The following FXR1 variants were observed in gnomAD, a reference collection of about 807,000 sequenced individuals.
FXR1 encodes the protein RNA-binding protein FXR1.
FXR1 carries 15 observed loss-of-function variants against 84.0 expected under a neutral mutation model. The observed-to-expected ratio is 0.18, with a 90% CI of 0.12 to 0.27. FXR1 has a LOEUF of 0.27. Ranked by LOEUF, FXR1 falls within the 10% of genes least tolerant of loss-of-function variation. The probability of loss-of-function intolerance (pLI) is 1.00; values close to 1 mark genes in which losing one functional copy is unlikely to be tolerated. For synonymous variants in FXR1, 245 were observed against 250.7 expected (o/e 0.98, Z 0.21); for missense variants, 480 against 774.4 (o/e 0.62, Z 4.51).
In FXR1 at chr3:180,977,507, T is replaced by C. The variant is rs187223562; in HGVS notation, c.*1215T>C. 5.3e-5 allele frequency: 8 copies of C among 152,252 alleles called. No homozygotes were observed. The highest frequency in any genetic ancestry group is 3.9e-4 in the East Asian group (2 of 5,186). 9.4% of individuals were successfully genotyped at this position (152,252 alleles called of 1,614,324 possible). On this transcript the variant is annotated 3_prime_UTR_variant, in exon 17 of 17. Transcript: ENST00000357559. Reference sequence around the variant, plus strand: ...ATTTGCTTTATTCATTCTCAACTTATTTTGAAGGCTCTCATATCAGTGACC... The same window carrying C: ...ATTTGCTTTATTCATTCTCAACTTACTTTGAAGGCTCTCATATCAGTGACC...
chr3:180,942,666 G>C (rs1255257477), intron 3 of FXR1, among the ~76,000 whole-genome samples: 5 of 152,064 alleles, frequency 3.3e-5, no homozygotes, highest in Admixed American at 6.6e-5. Context: ...TCTCATCATG[G>C]TCACTCCACA....
At position 180,926,506 on chromosome 3, in the gene FXR1, A is replaced by ATATTTTT. The variant is rs72192827; in HGVS notation, c.52-6827_52-6826insATTTTTT. 2.7e-3 allele frequency among the ~76,000 whole-genome samples: 340 copies of ATATTTTT among 124,290 alleles called. 2 individuals are homozygous for ATATTTTT. Among genetic ancestry groups the ATATTTTT allele is most frequent in the African/African-American group, 3.8e-3 (132 of 34,402 alleles). The allele number at this position is 124,290 out of a possible 152,430, so 81.5% of individuals were successfully genotyped here. A position where few individuals can be genotyped will look rare whatever the true frequency, so the allele number is the denominator to read the frequency against. On this transcript the variant is annotated intron_variant, in intron 1 of 16. Coordinates refer to ENST00000357559, the MANE Select transcript of FXR1 (RefSeq NM_005087.4). ...TATATATATATATATATATATATAT[A>ATATTTTT]TTTTTTTTTCTGGCCTTTTGTTGGC...
intron 1 of FXR1, chr3:180,927,810 T>C (rs1719410460): frequency 4.7e-6 from 2 of 429,144 alleles, no homozygotes; most frequent in African/African-American, 4.1e-5. Flanking sequence ...TTTTTTCCTG[T>C]GAATTACTTG....
In FXR1 at chr3:180,976,013, T is replaced by A. The variant is rs114795645; in HGVS notation, c.1696-109T>A. On this transcript the variant is annotated intron_variant, in intron 16 of 16. Coordinates refer to ENST00000357559, the MANE Select transcript of FXR1 (RefSeq NM_005087.4). The stretch of plus-strand genomic sequence containing the variant: ...TTTAATACTTTGATCCATTGTGGTA[T>A]ATAAAACTGAAATTTTTAATTAGCT... 6,604 of 739,544 alleles carry A rather than the reference T, an allele frequency of 8.9e-3. 46 individuals are homozygous for A. The highest frequency in any genetic ancestry group is 0.011 in the Non-Finnish European group (4,769 of 444,394). The allele number at this position is 739,544 out of a possible 1,614,324, so 45.8% of individuals were successfully genotyped here.
intron 13 of FXR1, 130 bp downstream of exon 13, chr3:180,963,220 G>C: frequency 1.7e-6 from 1 of 592,916 alleles, no homozygotes; most frequent in East Asian, 2.8e-5. Flanking sequence ...AGGTAGTTCT[G>C]AAGGTTTAGT....
intron 4 of FXR1, 121 bp downstream of exon 4, chr3:180,948,057 G>A: frequency 1.5e-6 from 1 of 654,134 alleles, no homozygotes; most frequent in Non-Finnish European, 2.7e-6. Flanking sequence ...AGAAATAGTT[G>A]ATCAGACATT....
At chr3:180,950,110 C>T (rs1157753265) in intron 7 of FXR1, among the ~76,000 whole-genome samples, 1 of 152,118 alleles carries the variant, frequency 6.6e-6, no homozygotes, top group African/African-American at 2.4e-5. Context: ...CTAAGGTACT[C>T]TGTTTTGTCC....
chr3:180,953,898 C>A, intron 9 of FXR1, 58 bp downstream of exon 9: 2 of 864,876 alleles, frequency 2.3e-6, no homozygotes, highest in Non-Finnish European at 3.8e-6. Flanking sequence ...TTACATATAG[C>A]GACTTAATTG....
chr3:180,944,795 G>T (rs1721524083), intron 3 of FXR1, among the ~76,000 whole-genome samples: 1 of 152,112 alleles, frequency 6.6e-6, no homozygotes, highest in Non-Finnish European at 1.5e-5. Flanking sequence ...GCTAACTTTT[G>T]TATTTTGCAT....
At position 180,948,779 on chromosome 3, in the gene FXR1, T is replaced by G; in HGVS notation, c.478T>G (p.Phe160Val). The change falls in exon 6 of 17, where the codon TTT becomes GTT. Residue 160 changes from phenylalanine to valine, a missense_variant. Physicochemically the swap from Phe to Val is conservative, Grantham distance 50. Coordinates refer to ENST00000357559, the MANE Select transcript of FXR1 (RefSeq NM_005087.4). ...FKKAVGACRI[F>V]YHPETTQLMI... ...GAAAGCAGTAGGAGCATGCAGAATT[T>G]TTTACCATCCAGAAACAACACAGCT... 6.4e-7 allele frequency: 1 copy of G among 1,569,876 alleles called. No homozygotes were observed. The highest frequency in any genetic ancestry group is 8.8e-7 in the Non-Finnish European group (1 of 1,139,774).
rs1457094206 is a variant in FXR1 at position 180,912,713 on chromosome 3, G to T, written c.28G>T (p.Gly10Cys). MAELTVEVR[G>C]SNGAFYKGFI... ...GGCGGAGCTGACGGTGGAGGTTCGCGGCTCTAACGGGGCTTTCTACAAGGT... is the reference window on the plus strand; with the variant it reads ...GGCGGAGCTGACGGTGGAGGTTCGCTGCTCTAACGGGGCTTTCTACAAGGT... Residue 10 changes from glycine to cysteine, a missense_variant, in exon 1 of 17, where the codon GGC becomes TGC. Gly to Cys is a radical substitution (Grantham distance 159). Around this residue, in one of 6 missense-constraint regions of FXR1, gnomAD observed 54 missense variants for 74.2 expected, o/e 0.73. Coordinates refer to ENST00000357559, the MANE Select transcript of FXR1 (RefSeq NM_005087.4). 6.2e-7 allele frequency: 1 copy of T among 1,613,838 alleles called. No individual in the cohort carries two copies. The highest frequency in any genetic ancestry group is 8.5e-7 in the Non-Finnish European group (1 of 1,179,960).
intron 14 of FXR1, among the ~76,000 whole-genome samples, chr3:180,969,297 T>G (rs574184962): frequency 1.4e-4 from 21 of 152,344 alleles, no homozygotes; most frequent in African/African-American, 4.8e-4. Flanking sequence ...GTACTTGACC[T>G]AGTGTTTTAT....
At chr3:180,938,642 G>A (rs996857382) in intron 3 of FXR1, among the ~76,000 whole-genome samples, 3 of 152,020 alleles carry the variant, frequency 2.0e-5, no homozygotes, top group Non-Finnish European at 4.4e-5. Context: ...TCCACCTCCC[G>A]GGTTCAAGCG....
At chr3:180,953,645 T>C in intron 8 of FXR1, 117 bp from the exon 9 acceptor site, 1 of 609,344 alleles carries the variant, frequency 1.6e-6, no homozygotes, top group South Asian at 2.4e-5. Context: ...ATGAGCATAA[T>C]CTTTTAGTAG....
chr3:180,973,462 C>A (rs1367198174), intron 15 of FXR1, among the ~76,000 whole-genome samples: 1 of 152,192 alleles, frequency 6.6e-6, no homozygotes, highest in African/African-American at 2.4e-5. Flanking sequence ...TCCTAGGTGT[C>A]ACTGAGGGCC....
chr3:180,916,290 C>T (rs1046479865), intron 1 of FXR1, among the ~76,000 whole-genome samples: 10 of 152,192 alleles, frequency 6.6e-5, no homozygotes, highest in Admixed American at 3.9e-4. Flanking sequence ...CAGAAACCTC[C>T]GGCTCATTTG....
intron 2 of FXR1, among the ~76,000 whole-genome samples, chr3:180,934,683 A>G (rs1434490698): frequency 6.6e-6 from 1 of 152,166 alleles, no homozygotes; most frequent in Non-Finnish European, 1.5e-5. Flanking sequence ...TACACAGTTT[A>G]TATTGTTTTG....
chr3:180,961,581 T>A, intron 11 of FXR1, 27 bp downstream of exon 11: 1 of 1,001,684 alleles, frequency 1.0e-6, no homozygotes, highest in Non-Finnish European at 1.6e-6. Context: ...TACTATATTC[T>A]GATATTGTTG....
chr3:180,920,205 T>C (rs539090039), intron 1 of FXR1, among the ~76,000 whole-genome samples: 8 of 152,304 alleles, frequency 5.3e-5, no homozygotes, highest in Non-Finnish European at 8.8e-5. Flanking sequence ...GGTAGCTGTT[T>C]TTGGTTCCCT....
Sources: gnomAD v4.1 joint callset for allele counts (sites outside exome capture counted in the v4.1 genomes callset) on GRCh38, gnomAD v4.1.1 for gene constraint, gnomAD v4.1.1 regional missense constraint, MANE v1.5 for transcripts, NCBI Gene and HGNC (gene_info 2026-07-23, HGNC 2026-07-21) for gene names.